Variants in OSMR observed in about 807,000 individuals in gnomAD.
OSMR encodes oncostatin-M-specific receptor subunit beta.
OSMR carries 81 observed loss-of-function variants against 99.9 expected under a neutral mutation model. That is an observed-to-expected ratio of 0.81 (90% CI 0.68 to 0.97). The LOEUF (loss-of-function observed/expected upper bound fraction) is 0.97. OSMR is among the 50% of genes least tolerant of loss of function. The probability of loss-of-function intolerance (pLI) is 0.00; values close to 1 mark genes in which losing one functional copy is unlikely to be tolerated. For synonymous variants in OSMR, 406 were observed against 410.4 expected (o/e 0.99, Z 0.13); for missense variants, 1,099 against 1,153.4 (o/e 0.95, Z 0.68).
At chr5:38,945,318 C>T, downstream of OSMR, 1 of 619,498 alleles carries the variant, frequency 1.6e-6, no homozygotes, top group Non-Finnish European at 2.8e-6. Flanking sequence ...CCACTGTGAC[C>T]TGGAACCGTG....
At chr5:38,861,993 C>T (rs1266183819) in intron 1 of OSMR, among the ~76,000 whole-genome samples, 22 of 115,978 alleles carry the variant, frequency 1.9e-4, no homozygotes, top group East Asian at 6.7e-4. Context: ...ACCTCCCTCC[C>T]GGACGGGGCG....
intron 1 of OSMR, among the ~76,000 whole-genome samples, chr5:38,861,464 A>C (rs1741304827): frequency 6.6e-6 from 1 of 152,240 alleles, no homozygotes; most frequent in Admixed American, 6.5e-5. Flanking sequence ...ACAGGATCCC[A>C]AGGCAGAATT....
chr5:38,872,544 G>A (rs969092806), intron 2 of OSMR, among the ~76,000 whole-genome samples: 3 of 152,164 alleles, frequency 2.0e-5, no homozygotes, highest in Non-Finnish European at 4.4e-5. Context: ...AGGAGGAATT[G>A]CACATTCTGA....
Position 38,917,572 on chromosome 5 carries a change from A to C in OSMR, c.1312A>C (p.Arg438=). The C allele has an allele frequency of 6.2e-7, 1 of 1,613,710 alleles. No individual in the cohort carries two copies. The highest frequency in any genetic ancestry group is 8.5e-7 in the Non-Finnish European group (1 of 1,179,662). The change falls in exon 10 of 18, where the codon AGA becomes CGA. Residue 438 remains arginine, a synonymous_variant. Coordinates refer to ENST00000274276, the MANE Select transcript of OSMR (RefSeq NM_003999.3). ...TCCCTCAGAGGCCCCTGATGTCTGG[A>C]GAATTGTGAGCTTGGAGCCAGGAAA... is the stretch of plus-strand genomic sequence containing the variant. ...AAPSEAPDVW[R]IVSLEPGNHT... is the part of the protein sequence containing the mutation.
rs570390608 is a variant in OSMR at position 38,885,678 on chromosome 5, A to G, written c.839+194A>G. Reference sequence around the variant, plus strand: ...TTCTACCTGAGGTTTTTAAAAAAGGAACATTTAGCATAGCATGGTAAGAAA... The same window carrying G: ...TTCTACCTGAGGTTTTTAAAAAAGGGACATTTAGCATAGCATGGTAAGAAA... On this transcript the variant is annotated intron_variant, in intron 6 of 17. Coordinates refer to ENST00000274276, the MANE Select transcript of OSMR (RefSeq NM_003999.3). Among the ~76,000 whole-genome samples, 8 of 152,352 alleles carry G rather than the reference A, an allele frequency of 5.3e-5. No individual in the cohort carries two copies. In the South Asian group the frequency reaches 1.7e-3, roughly 32 times the overall value.
Position 38,891,794 on chromosome 5 carries a change from C to T in OSMR, c.991+5604C>T, listed in dbSNP as rs550695235. ...CCCAATAGCGGCCATTGCCACGGTGCGGAGGAGTGGCCAGACTGTCCCACT... is the reference window on the plus strand; with the variant it reads ...CCCAATAGCGGCCATTGCCACGGTGTGGAGGAGTGGCCAGACTGTCCCACT... On this transcript the variant is annotated intron_variant, in intron 7 of 17. Transcript: ENST00000274276. 7.9e-5 allele frequency among the ~76,000 whole-genome samples: 12 copies of T among 152,292 alleles called. No individual in the cohort carries two copies. In the South Asian group the frequency reaches 1.0e-3, roughly 13 times the overall value.
At chr5:38,897,670 T>C (rs2112495220) in intron 7 of OSMR, among the ~76,000 whole-genome samples, 1 of 151,790 alleles carries the variant, frequency 6.6e-6, no homozygotes, top group East Asian at 1.9e-4. Flanking sequence ...TCTACTAACT[T>C]TGGGTTTGGT....
chr5:38,920,064 A>C (rs975007877), intron 11 of OSMR, among the ~76,000 whole-genome samples: 2 of 152,184 alleles, frequency 1.3e-5, no homozygotes, highest in Non-Finnish European at 2.9e-5. Flanking sequence ...GGGGCATTTC[A>C]TTCAGCCTCG....
rs796098622 is a variant in OSMR at position 38,933,333 on chromosome 5, A to G, written c.2829A>G (p.Ser943=). The stretch of plus-strand genomic sequence containing the variant: ...ACCCAGTAGAGGCACCACACTGTTC[A>G]GAGTATAAAATGCAAATGGCAGTCT... The part of the protein sequence containing the change: ...PTNPVEAPHC[S]EYKMQMAVSL... The change falls in exon 18 of 18, where the codon TCA becomes TCG. Residue 943 remains serine, a synonymous_variant. Coordinates refer to ENST00000274276, the MANE Select transcript of OSMR (RefSeq NM_003999.3). 2 of 1,614,200 alleles carry G rather than the reference A, an allele frequency of 1.2e-6. No homozygotes were observed. Among genetic ancestry groups the G allele is most frequent in the East Asian group, 2.2e-5 (1 of 44,886 alleles).
At chr5:38,880,419 T>C (rs777364099) in intron 3 of OSMR, among the ~76,000 whole-genome samples, 57 of 152,160 alleles carry the variant, frequency 3.7e-4, no homozygotes, top group Non-Finnish European at 6.6e-4. Flanking sequence ...GGAGAAAGCA[T>C]GCCTGGAGCT....
At chr5:38,849,535 C>G (rs1247089270) in intron 1 of OSMR, among the ~76,000 whole-genome samples, 1 of 150,494 alleles carries the variant, frequency 6.6e-6, no homozygotes, top group Non-Finnish European at 1.5e-5. Flanking sequence ...TTTTGAAAAT[C>G]TTGTGGTATA....
In OSMR at chr5:38,904,433, G is replaced by T; in HGVS notation, c.1215G>T (p.Arg405=). The T allele has an allele frequency of 6.2e-7, 1 of 1,614,154 alleles. No homozygotes were observed. ...CCACAGAGTACATGGCGCGAGTACG[G>T]TGTGCTGATGCCAGCCACTTCTGGA... is the stretch of plus-strand genomic sequence containing the variant. The part of the protein sequence containing the change: ...EPATEYMARV[R]CADASHFWKW... Residue 405 remains arginine (R), a synonymous_variant, in exon 9 of 18, where the codon CGG becomes CGT. Transcript: ENST00000274276.
chr5:38,929,428 T>A (rs1237364131), intron 15 of OSMR, among the ~76,000 whole-genome samples: 1 of 152,270 alleles, frequency 6.6e-6, no homozygotes, highest in Non-Finnish European at 1.5e-5. Flanking sequence ...CATTTGGCAC[T>A]ACATTTCCTT....
chr5:38,871,005 G>A (rs1184886110), intron 2 of OSMR, among the ~76,000 whole-genome samples: 1 of 152,208 alleles, frequency 6.6e-6, no homozygotes, highest in Non-Finnish European at 1.5e-5. Flanking sequence ...GTCTGGTGAA[G>A]GGGAGATAAA....
At chr5:38,938,736 A>G (rs551311054), downstream of OSMR, 5 of 232,830 alleles carry the variant, frequency 2.1e-5, no homozygotes, top group South Asian at 9.1e-4. Context: ...ACTGCTATTA[A>G]TTTCACTGGT....
Position 38,869,134 on chromosome 5 carries a change from A to G in OSMR, c.73+17A>G. ...AGAGTGAAGGTAAGAAGTGGAAGGA[A>G]CAGTAAAGACAAAAATCACGTCGGG... On this transcript the variant is annotated intron_variant, in intron 2 of 17. Coordinates refer to ENST00000274276, the MANE Select transcript of OSMR (RefSeq NM_003999.3). 1 of 1,551,932 alleles carries G rather than the reference A, an allele frequency of 6.4e-7. No homozygotes were observed. Among genetic ancestry groups the G allele is most frequent in the Non-Finnish European group, 8.9e-7 (1 of 1,123,272 alleles).
At chr5:38,917,336 T>C in intron 9 of OSMR, 12 of 820,606 alleles carry the variant, frequency 1.5e-5, no homozygotes, top group Non-Finnish European at 1.8e-5. Context: ...CAGCTGACCT[T>C]TTTATAAAGC....
chr5:38,903,710 A>G (rs2112539005), intron 7 of OSMR, 172 bp from the exon 8 acceptor site: 1 of 866,806 alleles, frequency 1.2e-6, no homozygotes, highest in Non-Finnish European at 1.4e-6. Flanking sequence ...ATTGAGAGAG[A>G]AAGGCTGTAG....
rs1263143415 is a variant in OSMR, at chr5:38,876,386, T to A, written c.246+13T>A. ...TGTCATCTGGGTGGTAAGTAATTTT[T>A]TTGGCTCAATATTTAAAAAATCATC... On this transcript the variant is annotated intron_variant, in intron 3 of 17. Transcript: ENST00000274276. 6.2e-7 allele frequency: 1 copy of A among 1,608,134 alleles called. No individual in the cohort carries two copies. The highest frequency in any genetic ancestry group is 1.1e-5 in the South Asian group (1 of 90,486).
Sources: allele counts gnomAD v4.1 joint callset (sites outside exome capture counted in the v4.1 genomes callset), GRCh38; gene constraint gnomAD v4.1.1; transcripts MANE v1.5; gene names NCBI Gene and HGNC (gene_info 2026-07-23, HGNC 2026-07-21).